The following WDR89 variants were observed in gnomAD, a reference collection of about 807,000 sequenced individuals.
WDR89 encodes the protein WD repeat-containing protein 89.
Under a neutral mutation model 29.1 loss-of-function variants are expected in WDR89, and 17 were observed. The observed-to-expected ratio is 0.58, with a 90% CI of 0.40 to 0.88. The LOEUF (loss-of-function observed/expected upper bound fraction) is 0.88, where lower values mean the gene tolerates loss of function less well. Ranked by LOEUF, WDR89 falls within the 40% of genes least tolerant of loss-of-function variation. The pLI is 0.00. For synonymous variants in WDR89, 138 were observed against 157.8 expected, an observed-to-expected ratio of 0.87 and a Z score of 0.94; for missense variants, 396 against 456.3, an observed-to-expected ratio of 0.87 and a Z score of 1.20.
At chr14:63,631,402 G>C (rs1215070202) in intron 1 of WDR89, among the ~76,000 whole-genome samples, 1 of 152,014 alleles carries the variant, frequency 6.6e-6, no homozygotes, top group Non-Finnish European at 1.5e-5. Context: ...TCTTAACTCT[G>C]TGGCCCAGGC....
At chr14:63,608,770 T>C (rs191309027) in intron 2 of WDR89, among the ~76,000 whole-genome samples, 37 of 151,608 alleles carry the variant, frequency 2.4e-4, no homozygotes, top group East Asian at 1.9e-3. Context: ...CTTTAAGAAG[T>C]TGAGAAACAG....
intron 1 of WDR89, among the ~76,000 whole-genome samples, chr14:63,627,056 G>A (rs184113665): frequency 6.6e-6 from 1 of 151,984 alleles, no homozygotes; most frequent in African/African-American, 2.4e-5. Flanking sequence ...AGGAGTTCCA[G>A]GCTGCAGTGA....
chr14:63,616,456 A>T (rs1476949841), intron 2 of WDR89, among the ~76,000 whole-genome samples: 1 of 152,218 alleles, frequency 6.6e-6, no homozygotes, highest in East Asian at 1.9e-4. Context: ...GTTATAAAAA[A>T]TAACAACATA....
intron 2 of WDR89, among the ~76,000 whole-genome samples, chr14:63,606,329 T>C (rs1272992397): frequency 1.3e-5 from 2 of 152,188 alleles, no homozygotes; most frequent in African/African-American, 2.4e-5. Flanking sequence ...AATAGGCTTA[T>C]GGAATAAGGA....
chr14:63,616,675 A>G lies in WDR89; in HGVS notation c.-32+8253T>C, dbSNP rs567207688. The stretch of plus-strand genomic sequence containing the variant: ...CAGAGAAAGAAAGAAGGGTGTAGAA[A>G]ATGAGGCTAAAGAGGTAACTGGAGC... On this transcript the variant is annotated intron_variant, in intron 2 of 2. Coordinates refer to ENST00000620954, the MANE Select transcript of WDR89 (RefSeq NM_080666.4). 3.3e-5 allele frequency among the ~76,000 whole-genome samples: 5 copies of G among 152,258 alleles called. No homozygotes were observed. The South Asian group carries it at 1.0e-3, about 32-fold the overall frequency.
intron 2 of WDR89, among the ~76,000 whole-genome samples, chr14:63,615,761 T>C (rs1566794260): frequency 6.6e-6 from 1 of 151,922 alleles, no homozygotes; most frequent in Non-Finnish European, 1.5e-5. Context: ...CTGTCCCTAC[T>C]AAAAATACAA....
At chr14:63,639,648 T>A (rs972301289) in intron 1 of WDR89, among the ~76,000 whole-genome samples, 3 of 152,224 alleles carry the variant, frequency 2.0e-5, no homozygotes, top group Non-Finnish European at 4.4e-5. Context: ...CAAAATTCTC[T>A]TGTATTTTCT....
intron 1 of WDR89, among the ~76,000 whole-genome samples, chr14:63,625,661 G>A (rs904514141): frequency 6.6e-6 from 1 of 152,112 alleles, no homozygotes; most frequent in African/African-American, 2.4e-5. Flanking sequence ...CGATTTGAGT[G>A]TTGGTGGCAC....
rs1178002671 is a variant in WDR89, at chr14:63,602,174, C to T, written c.-31-2201G>A. ...CACAATGTATGGCATATCATAGTAC[C>T]TACACAATAGATGTAATAGGTCAGG... On this transcript the variant is annotated intron_variant, in intron 2 of 2. Transcript: ENST00000620954. 2.6e-5 allele frequency among the ~76,000 whole-genome samples: 4 copies of T among 152,110 alleles called. No individual in the cohort carries two copies. The East Asian group carries it at 7.7e-4, about 29-fold the overall frequency.
rs1566787747 is a variant in WDR89 at position 63,599,342 on chromosome 14, T to C, written c.601A>G (p.Asn201Asp). Residue 201 changes from asparagine to aspartate, a missense_variant, in exon 3 of 3, where the codon AAT becomes GAT. Asn to Asp is a conservative substitution (Grantham distance 23, BLOSUM62 1). Coordinates refer to ENST00000620954, the MANE Select transcript of WDR89 (RefSeq NM_080666.4). ...SDGLVNVFDINIDNEEDALVT... is the reference protein window; with the variant it reads ...SDGLVNVFDIDIDNEEDALVT... ...AGTGCATCCTCCTCATTATCAATAT[T>C]AATATCAAATACATTTACCAGGCCA... 1.2e-6 allele frequency: 2 copies of C among 1,614,162 alleles called. No individual in the cohort carries two copies. The highest frequency in any genetic ancestry group is 8.5e-7 in the Non-Finnish European group (1 of 1,180,036).
chr14:63,630,048 A>G (rs1315577712), intron 1 of WDR89, among the ~76,000 whole-genome samples: 2 of 152,066 alleles, frequency 1.3e-5, no homozygotes, highest in Non-Finnish European at 2.9e-5. Flanking sequence ...CCCAGGTTCA[A>G]GCGATTTTCC....
intron 1 of WDR89, among the ~76,000 whole-genome samples, chr14:63,633,544 T>C (rs1405271206): frequency 6.6e-6 from 1 of 152,138 alleles, no homozygotes; most frequent in Non-Finnish European, 1.5e-5. Flanking sequence ...TGATTCACTA[T>C]TTAATTTTCC....
chr14:63,619,304 A>T (rs1028281427), intron 2 of WDR89, among the ~76,000 whole-genome samples: 1 of 152,198 alleles, frequency 6.6e-6, no homozygotes, highest in Non-Finnish European at 1.5e-5. Flanking sequence ...CAAAACCCAA[A>T]CCAGGCTAGA....
chr14:63,637,978 C>T (rs774512754), intron 1 of WDR89, among the ~76,000 whole-genome samples: 1 of 151,984 alleles, frequency 6.6e-6, no homozygotes, highest in Admixed American at 6.6e-5. Context: ...AACAGCCTCG[C>T]TCTGTTACCC....
chr14:63,640,902 G>T, intron 1 of WDR89, among the ~76,000 whole-genome samples: 1 of 149,942 alleles, frequency 6.7e-6, no homozygotes, highest in Admixed American at 6.6e-5. Context: ...GTTCGAGACC[G>T]GCCTGACCAG....
chr14:63,617,079 T>A, intron 2 of WDR89, among the ~76,000 whole-genome samples: 1 of 43,010 alleles, frequency 2.3e-5, no homozygotes, highest in African/African-American at 5.5e-4. Flanking sequence ...ATTACAAGCT[T>A]TTTTTTTTTT....
intron 1 of WDR89, among the ~76,000 whole-genome samples, chr14:63,637,767 C>T (rs1469947115): frequency 6.6e-6 from 1 of 151,438 alleles, no homozygotes; most frequent in Non-Finnish European, 1.5e-5. Context: ...GACACAAAGG[C>T]ATAAGAATGA....
intron 2 of WDR89, among the ~76,000 whole-genome samples, chr14:63,624,205 C>T (rs1217008028): frequency 2.6e-5 from 4 of 152,048 alleles, no homozygotes; most frequent in African/African-American, 2.4e-5. Flanking sequence ...TGGTGGCTCA[C>T]GCCTATAATC....
intron 2 of WDR89, among the ~76,000 whole-genome samples, chr14:63,618,477 A>T (rs1355403695): frequency 2.0e-5 from 3 of 152,194 alleles, no homozygotes. Flanking sequence ...TTAACAAAGA[A>T]GAACATTCAG....
Sources: allele counts gnomAD v4.1 joint callset (sites outside exome capture counted in the v4.1 genomes callset), GRCh38; gene constraint gnomAD v4.1.1; transcripts MANE v1.5; gene names NCBI Gene and HGNC (gene_info 2026-07-23, HGNC 2026-07-21).